Variants in DENND3 observed in about 807,000 individuals in gnomAD.
DENND3 encodes DENN domain containing 3.
In DENND3, 88 loss-of-function variants were observed where a neutral mutation model predicts 135.1. The observed-to-expected ratio is 0.65, with a 90% CI of 0.55 to 0.78. The LOEUF (loss-of-function observed/expected upper bound fraction) is 0.78, where lower values mean the gene tolerates loss of function less well. Among genes scored for constraint, DENND3 ranks in the 30% least tolerant of loss-of-function variants. The pLI is 0.00. For missense variants in DENND3, 1,392 were observed against 1,688.4 expected, an observed-to-expected ratio of 0.82 and a Z score of 3.08; for synonymous variants, 693 against 712.3, an observed-to-expected ratio of 0.97 and a Z score of 0.43.
chr8:141,179,208 C>A (rs1205088234), intron 16 of DENND3, among the ~76,000 whole-genome samples: 1 of 152,210 alleles, frequency 6.6e-6, no homozygotes, highest in South Asian at 2.1e-4. Context: ...CAGCAGCAGC[C>A]GGGCTCAGGT....
At position 141,168,177 on chromosome 8, in the gene DENND3, C is replaced by T. The variant is rs752078645; in HGVS notation, c.1927C>T (p.Arg643Ter). 13 of 1,614,180 alleles carry T rather than the reference C, an allele frequency of 8.1e-6. No homozygotes were observed. Among genetic ancestry groups the T allele is most frequent in the East Asian group, 4.5e-5 (2 of 44,884 alleles). The change falls in exon 13 of 23, where the codon CGA becomes TGA. Residue 643 changes from arginine to a stop codon, truncating the protein, a stop_gained. Transcript: ENST00000519811. LOFTEE classifies it high-confidence loss of function. The surrounding 1 kb of genome is among the most constrained non-coding windows in gnomAD (Gnocchi z 6.2). ...SLLLARYLYL[R>*]GLVYLMQGQL... ...GCTCCTGGCCCGCTATTTGTACCTC[C>T]GAGGGCTCGTTTATCTGATGCAGGG...
chr8:141,171,018 G>T (rs1435265210), intron 13 of DENND3, among the ~76,000 whole-genome samples: 1 of 152,210 alleles, frequency 6.6e-6, no homozygotes, highest in Admixed American at 6.5e-5. Context: ...CCCGGGAAGG[G>T]TGCGTGGGCC....
intron 8 of DENND3, 90 bp downstream of exon 8, chr8:141,156,060 A>G (rs543739677): frequency 2.8e-5 from 40 of 1,446,480 alleles, no homozygotes; most frequent in Non-Finnish European, 3.4e-5. Context: ...AATTTTATAT[A>G]ACTGATAGAT....
At chr8:141,190,925 G>A (rs1824654446) in intron 20 of DENND3, among the ~76,000 whole-genome samples, 1 of 152,248 alleles carries the variant, frequency 6.6e-6, no homozygotes, top group African/African-American at 2.4e-5. Context: ...GCTTTGCCTG[G>A]CGGCTGTGTC....
intron 6 of DENND3, 34 bp downstream of exon 6, chr8:141,150,987 G>T: frequency 6.7e-7 from 1 of 1,491,710 alleles, no homozygotes. Context: ...CGCGTCTTGT[G>T]CTCCCTGCCT....
At chr8:141,193,423 C>G (rs1825044794) in intron 22 of DENND3, 8 of 156,516 alleles carry the variant, frequency 5.1e-5, no homozygotes, top group Admixed American at 4.9e-4. Context: ...TGGGCGGGTC[C>G]CACCTGGGGC....
chr8:141,133,886 G>A (rs1343079142), intron 1 of DENND3, among the ~76,000 whole-genome samples: 1 of 152,222 alleles, frequency 6.6e-6, no homozygotes, highest in Non-Finnish European at 1.5e-5. Flanking sequence ...GTGGCAGGAG[G>A]CAGTCAGGGG....
At position 141,168,329 on chromosome 8, in the gene DENND3, G is replaced by T; in HGVS notation, c.2079G>T (p.Gln693His). ...MSAPEWEGAE[Q>H]APELMRLISE... Reference sequence around the variant, plus strand: ...CCCCTGAGTGGGAGGGGGCTGAGCAGGCGCCGGAGCTGATGAGGCTCATCA... The same window carrying T: ...CCCCTGAGTGGGAGGGGGCTGAGCATGCGCCGGAGCTGATGAGGCTCATCA... The change falls in exon 13 of 23, where the codon CAG (glutamine) becomes CAT (histidine). Residue 693 changes from glutamine to histidine, a missense_variant. Transcript: ENST00000519811. This position sits in a 1 kb window ranked among gnomAD's most constrained non-coding sequence, Gnocchi z 6.2. The T allele has an allele frequency of 6.2e-7, 1 of 1,614,016 alleles. No homozygotes were observed. Among genetic ancestry groups the T allele is most frequent in the Non-Finnish European group, 8.5e-7 (1 of 1,180,024 alleles).
Position 141,194,049 on chromosome 8 carries a change from G to T in DENND3, c.3653G>T (p.Arg1218Leu). Residue 1218 changes from arginine to leucine, a missense_variant, in exon 23 of 23, where the codon CGA becomes CTA. Transcript: ENST00000519811. ...CCCTGGCAGGTCTGGGTGGGCAGCC[G>T]AGGGCTGGGGCAGGGAACACCCAAG... ...RVKKQVWVGS[R>L]GLGQGTPKGK... 1 of 1,613,598 alleles carries T rather than the reference G, an allele frequency of 6.2e-7. No individual in the cohort carries two copies. The highest frequency in any genetic ancestry group is 1.7e-5 in the Admixed American group (1 of 60,016).
Position 141,141,586 on chromosome 8 carries a change from T to C in DENND3, c.623+262T>C. The C allele has an allele frequency of 2.0e-6, 1 of 495,208 alleles. No homozygotes were observed. Among genetic ancestry groups the C allele is most frequent in the South Asian group, 2.4e-5 (1 of 41,806 alleles). 30.7% of individuals were successfully genotyped at this position (495,208 alleles called of 1,614,324 possible). Reference sequence around the variant, plus strand: ...TGACTGGTAACATACGGTAATGGCATGGTAGGAAAGGGATGAAGCCACACT... The same window carrying C: ...TGACTGGTAACATACGGTAATGGCACGGTAGGAAAGGGATGAAGCCACACT... On this transcript the variant is annotated intron_variant, in intron 4 of 22. Transcript: ENST00000519811. The surrounding 1 kb of genome is among the most constrained non-coding windows in gnomAD (Gnocchi z 5.3).
chr8:141,155,532 T>G (rs1180388388), intron 7 of DENND3, among the ~76,000 whole-genome samples: 1 of 152,030 alleles, frequency 6.6e-6, no homozygotes, highest in East Asian at 1.9e-4. Flanking sequence ...GCCTCCCAAG[T>G]AGCTGGGACC....
chr8:141,158,113 A>T lies in DENND3; in HGVS notation c.1196+2143A>T. ...ATCTTAAAAAATTCCCTAAGGCCTT[A>T]AAGCCAAGCGATGGTCCTGCACAGG... On this transcript the variant is annotated intron_variant, in intron 8 of 22. Transcript: ENST00000519811. 3 of 1,264,858 alleles carry T rather than the reference A, an allele frequency of 2.4e-6. No individual in the cohort carries two copies. The South Asian group carries it at 3.9e-5, about 16-fold the overall frequency. The allele number at this position is 1,264,858 out of a possible 1,614,324, so 78.4% of individuals were successfully genotyped here.
intron 16 of DENND3, 138 bp downstream of exon 16, chr8:141,178,334 C>A: frequency 1.6e-6 from 2 of 1,284,554 alleles, no homozygotes; most frequent in South Asian, 1.6e-5. Flanking sequence ...GTAATTTACT[C>A]TCGAGTCGCA....
chr8:141,144,361 G>T lies in DENND3; in HGVS notation c.735+102G>T. On this transcript the variant is annotated intron_variant, in intron 5 of 22. Coordinates refer to ENST00000519811, the MANE Select transcript of DENND3 (RefSeq NM_001352890.3). The surrounding 1 kb of genome is among the most constrained non-coding windows in gnomAD (Gnocchi z 4.4). ...CACAACTATTTCTGAAGTTCTAGCT[G>T]TTGTAAACCTAAAATAACATCCTAA... 2 of 1,143,528 alleles carry T rather than the reference G, an allele frequency of 1.7e-6. No homozygotes were observed. The highest frequency in any genetic ancestry group is 2.4e-6 in the Non-Finnish European group (2 of 829,912). 70.8% of individuals were successfully genotyped at this position (1,143,528 alleles called of 1,614,324 possible). A position where few individuals can be genotyped will look rare whatever the true frequency, so the allele number is the denominator to read the frequency against.
In DENND3 at chr8:141,155,914, C is replaced by T. The variant is rs1046428107; in HGVS notation, c.1140C>T (p.Asp380=). Residue 380 remains aspartate (D), a synonymous_variant, in exon 8 of 23, where the codon GAC becomes GAT. Coordinates refer to ENST00000519811, the MANE Select transcript of DENND3 (RefSeq NM_001352890.3). ...GCATCACCTACTCCAAGTCCACGGA[C>T]GATAACGTGGACATTCCTGATGTCC... ...HGSITYSKST[D]DNVDIPDVPL... The T allele has an allele frequency of 8.7e-6, 14 of 1,612,476 alleles. No individual in the cohort carries two copies. Among genetic ancestry groups the T allele is most frequent in the African/African-American group, 2.7e-5 (2 of 74,854 alleles).
chr8:141,188,350 A>G (rs1484543334), intron 18 of DENND3: 1 of 152,240 alleles, frequency 6.6e-6, no homozygotes, highest in African/African-American at 2.4e-5. Flanking sequence ...GAGCACTGCC[A>G]GTTCTGCTTG....
chr8:141,140,876 T>A, intron 3 of DENND3, among the ~76,000 whole-genome samples: 1 of 152,216 alleles, frequency 6.6e-6, no homozygotes, highest in East Asian at 1.9e-4. Flanking sequence ...GCCCCTGCAT[T>A]TTCTCCCCTT....
intron 8 of DENND3, among the ~76,000 whole-genome samples, chr8:141,158,711 C>A (rs1819753709): frequency 6.6e-6 from 1 of 152,226 alleles, no homozygotes; most frequent in Admixed American, 6.5e-5. Flanking sequence ...GCAGCCCCCT[C>A]CTTGCCCAGC....
At chr8:141,184,954 C>G (rs1167771749) in intron 17 of DENND3, 185 bp from the exon 18 acceptor site, 1 of 653,360 alleles carries the variant, frequency 1.5e-6, no homozygotes, top group Non-Finnish European at 2.5e-6. Flanking sequence ...GCCAGCTGCC[C>G]CCCTTGACTC....
Sources: allele counts gnomAD v4.1 joint callset (sites outside exome capture counted in the v4.1 genomes callset), GRCh38; gene constraint gnomAD v4.1.1; non-coding constraint Gnocchi (gnomAD v3.1); transcripts MANE v1.5; gene names NCBI Gene and HGNC (gene_info 2026-07-23, HGNC 2026-07-21).